Variants in REV1 observed in about 807,000 individuals in gnomAD.
REV1 encodes the protein REV1 DNA directed polymerase, also known as translesion synthesis protein REV1.
REV1 carries 42 observed loss-of-function variants against 137.4 expected under a neutral mutation model. That is an observed-to-expected ratio of 0.31 (90% CI 0.24 to 0.40). The LOEUF (loss-of-function observed/expected upper bound fraction) is 0.40. Among genes scored for constraint, REV1 ranks in the 10% least tolerant of loss-of-function variants. REV1 has a pLI of 1.00. For synonymous variants in REV1, 524 were observed against 519.2 expected (o/e 1.01, Z -0.12); for missense variants, 1,282 against 1,490.1 (o/e 0.86, Z 2.30).
At chr2:99,485,691 G>A (rs1277182868) in intron 1 of REV1, among the ~76,000 whole-genome samples, 1 of 152,154 alleles carries the variant, frequency 6.6e-6, no homozygotes, top group Admixed American at 6.5e-5. Context: ...TACACATTAA[G>A]ACCAAACACC....
intron 1 of REV1, among the ~76,000 whole-genome samples, chr2:99,487,624 TGG>T (rs1687276311): frequency 8.5e-6 from 1 of 117,894 alleles, no homozygotes; most frequent in Non-Finnish European, 1.8e-5. Flanking sequence ...ACGCTTCAGT[TGG>T]TGCTATTATA....
Position 99,401,049 on chromosome 2 carries a change from A to AAAT in REV1, c.*189_*191dup, listed in dbSNP as rs980168054. The AAAT allele has an allele frequency of 1.8e-4, 75 of 414,738 alleles. No individual in the cohort carries two copies. The highest frequency in any genetic ancestry group is 2.7e-4 in the Non-Finnish European group (61 of 229,894). 25.7% of individuals were successfully genotyped at this position (414,738 alleles called of 1,614,324 possible). On this transcript the variant is annotated 3_prime_UTR_variant, in exon 23 of 23. Transcript: ENST00000258428. The stretch of plus-strand genomic sequence containing the variant: ...TGTAAATAGAATCTATGCTACAGTA[A>AAAT]AATAATTAACACAATTATTTACATG...
At chr2:99,476,732 A>G (rs1328809605) in intron 1 of REV1, among the ~76,000 whole-genome samples, 2 of 152,170 alleles carry the variant, frequency 1.3e-5, no homozygotes. Context: ...ACAGTCAATC[A>G]TATCTAAGTG....
At chr2:99,407,680 G>A (rs1676531065) in intron 15 of REV1, among the ~76,000 whole-genome samples, 1 of 152,088 alleles carries the variant, frequency 6.6e-6, no homozygotes. Context: ...TGCAGAGTAT[G>A]TTTCTGATTA....
intron 1 of REV1, among the ~76,000 whole-genome samples, chr2:99,476,412 C>T (rs183570160): frequency 9.2e-5 from 14 of 152,124 alleles, no homozygotes; most frequent in African/African-American, 2.7e-4. Flanking sequence ...AAAAATTAGC[C>T]GGGCATGGTG....
intron 10 of REV1, among the ~76,000 whole-genome samples, chr2:99,423,845 A>G (rs1258684956): frequency 6.6e-6 from 1 of 152,210 alleles, no homozygotes; most frequent in Non-Finnish European, 1.5e-5. Context: ...TCCATCCTTC[A>G]TCTATCTGGC....
At chr2:99,409,539 T>C (rs1217861527) in intron 14 of REV1, among the ~76,000 whole-genome samples, 1 of 152,194 alleles carries the variant, frequency 6.6e-6, no homozygotes, top group Non-Finnish European at 1.5e-5. Flanking sequence ...TAGTTGGCCC[T>C]GACATAAAAG....
chr2:99,413,033 A>G lies in REV1; in HGVS notation c.1952-82T>C, dbSNP rs954216366. ...AACACAAAATACCCACCATTTATGC[A>G]CAAAACAACTAGTTTAAAATAATCT... On this transcript the variant is annotated intron_variant, in intron 12 of 22. Transcript: ENST00000258428. 3 of 937,572 alleles carry G rather than the reference A, an allele frequency of 3.2e-6. No homozygotes were observed. In the African/African-American group the frequency reaches 4.9e-5, roughly 15 times the overall value. 58.1% of individuals were successfully genotyped at this position (937,572 alleles called of 1,614,324 possible).
chr2:99,411,677 G>A (rs1354401708), intron 13 of REV1, among the ~76,000 whole-genome samples: 2 of 150,770 alleles, frequency 1.3e-5, no homozygotes, highest in Non-Finnish European at 2.9e-5. Context: ...CCAAAGTGCT[G>A]GGATTACAGG....
In REV1 at chr2:99,407,080, C is replaced by CTTTTT. The variant is rs869170472; in HGVS notation, c.2449-595_2449-591dup. Among the ~76,000 whole-genome samples, 469 of 60,038 alleles carry CTTTTT rather than the reference C, an allele frequency of 7.8e-3. 127 individuals are homozygous for CTTTTT. The highest frequency in any genetic ancestry group is 0.024 in the African/African-American group (379 of 15,546). 39.4% of individuals were successfully genotyped at this position (60,038 alleles called of 152,430 possible). ...ACATAAAACTAAACCTACAAAGGTT[C>CTTTTT]TTTTTTTTTTTTTTTTTTTTTTTTT... On this transcript the variant is annotated intron_variant, in intron 15 of 22. Coordinates refer to ENST00000258428, the MANE Select transcript of REV1 (RefSeq NM_016316.4).
chr2:99,466,335 C>T (rs935556652), intron 1 of REV1, among the ~76,000 whole-genome samples: 1 of 152,066 alleles, frequency 6.6e-6, no homozygotes, highest in Non-Finnish European at 1.5e-5. Flanking sequence ...CTCCGCCTCC[C>T]GGGTTCAAGT....
rs371311182 is a variant in REV1, at chr2:99,422,443, T to C, written c.1677-790A>G. On this transcript the variant is annotated intron_variant, in intron 10 of 22. Transcript: ENST00000258428. ...GTCTTTCATAATCCACTTGGTAATG[T>C]AGACTAGGAGGGCGGTCCTCATCTC... is the stretch of plus-strand genomic sequence containing the variant. Among the ~76,000 whole-genome samples the C allele has an allele frequency of 3.3e-5, 5 of 152,190 alleles. No individual in the cohort carries two copies. The East Asian group carries it at 5.8e-4, about 18-fold the overall frequency.
At chr2:99,444,699 ACTAT>A (rs1681966521) in intron 4 of REV1, among the ~76,000 whole-genome samples, 1 of 152,172 alleles carries the variant, frequency 6.6e-6, no homozygotes, top group African/African-American at 2.4e-5. Flanking sequence ...AGCCTAAACC[ACTAT>A]CTATCAGTTG....
At position 99,401,222 on chromosome 2, in the gene REV1, T is replaced by C; in HGVS notation, c.*19A>G. 1 of 1,478,678 alleles carries C rather than the reference T, an allele frequency of 6.8e-7. No homozygotes were observed. Among genetic ancestry groups the C allele is most frequent in the Non-Finnish European group, 9.5e-7 (1 of 1,056,972 alleles). The allele number at this position is 1,478,678 out of a possible 1,614,324, so 91.6% of individuals were successfully genotyped here. The stretch of plus-strand genomic sequence containing the variant: ...CTTATGGCACAGCTATCAGAGAGCA[T>C]CAGGCTCTCTGGTAATATTTATGTA... On this transcript the variant is annotated 3_prime_UTR_variant, in exon 23 of 23. Transcript: ENST00000258428.
chr2:99,474,987 A>T (rs1216535788), intron 1 of REV1, among the ~76,000 whole-genome samples: 1 of 152,152 alleles, frequency 6.6e-6, no homozygotes, highest in African/African-American at 2.4e-5. Context: ...AGCAAGTCAT[A>T]ATCAGTCATA....
rs772863714 is a variant in REV1 at position 99,439,123 on chromosome 2, T to A, written c.691A>T (p.Ser231Cys). ...STAIFNGHTP[S>C]SNGALKTQDC... ...TGTGTCTTTAAGGCACCATTAGAGC[T>A]AGGAGTGTGTCCATTAAAAATGGCA... The change falls in exon 6 of 23, where the codon AGC becomes TGC. Residue 231 changes from serine to cysteine, a missense_variant. Ser to Cys is a moderately radical substitution (Grantham distance 112, BLOSUM62 -1). This residue lies in a region of REV1 where 432 missense variants were observed against 438.0 expected (regional missense o/e 0.99). Transcript: ENST00000258428. 2 of 1,614,164 alleles carry A rather than the reference T, an allele frequency of 1.2e-6. No individual in the cohort carries two copies. Among genetic ancestry groups the A allele is most frequent in the Non-Finnish European group, 1.7e-6 (2 of 1,180,024 alleles).
rs367958499 is a variant in REV1, at chr2:99,405,044, G to A, written c.2812-367C>T. On this transcript the variant is annotated intron_variant, in intron 17 of 22. Transcript: ENST00000258428. ...CCCCAGGGAGGGGTGAAGGCCTGAGGCACATGTTAAAATTCTGGACAGGTA... is the reference window on the plus strand; with the variant it reads ...CCCCAGGGAGGGGTGAAGGCCTGAGACACATGTTAAAATTCTGGACAGGTA... 1.6e-4 allele frequency among the ~76,000 whole-genome samples: 25 copies of A among 152,240 alleles called. No individual in the cohort carries two copies. The South Asian group carries it at 1.9e-3, about 11-fold the overall frequency.
At position 99,404,593 on chromosome 2, in the gene REV1, G is replaced by A. The variant is rs372344352; in HGVS notation, c.2896C>T (p.His966Tyr). 497 of 1,614,108 alleles carry A rather than the reference G, an allele frequency of 3.1e-4. 6 individuals are homozygous for A. The South Asian group carries it at 5.1e-3, about 16-fold the overall frequency. ...ACTGGTTCTTTCTTTTTGTCGCCAT[G>A]TGACTCTGCTTGCTGGACAGCACAG... Reference protein sequence around the residue: ...QVCAVQQAESHGDKKKEPVNG... With the variant: ...QVCAVQQAESYGDKKKEPVNG... The change falls in exon 18 of 23, where the codon CAT becomes TAT. Residue 966 changes from histidine (H) to tyrosine (Y), a missense_variant. By Grantham distance (83) the His-to-Tyr change is moderately conservative (BLOSUM62 2). This residue lies in a region of REV1 where 135 missense variants were observed against 123.3 expected (regional missense o/e 1.10). Transcript: ENST00000258428.
At chr2:99,488,700 G>C (rs998603655) in intron 1 of REV1, among the ~76,000 whole-genome samples, 2 of 152,212 alleles carry the variant, frequency 1.3e-5, no homozygotes, top group African/African-American at 4.8e-5. Context: ...TGGACAGATA[G>C]ATGGTTCCCA....
Sources: allele counts gnomAD v4.1 joint callset (sites outside exome capture counted in the v4.1 genomes callset), GRCh38; gene constraint gnomAD v4.1.1; regional missense constraint gnomAD v4.1.1; transcripts MANE v1.5; gene names NCBI Gene and HGNC (gene_info 2026-07-23, HGNC 2026-07-21).